The following CCDC93 variants were observed in gnomAD, a reference collection of about 807,000 sequenced individuals.
The protein encoded by CCDC93 is coiled-coil domain-containing protein 93.
Under a neutral mutation model 108.2 loss-of-function variants are expected in CCDC93, and 61 were observed. That is an observed-to-expected ratio of 0.56 (90% CI 0.46 to 0.70). CCDC93 has a LOEUF of 0.70. Among genes scored for constraint, CCDC93 ranks in the 30% least tolerant of loss-of-function variants. The pLI, the probability that CCDC93 is intolerant of heterozygous loss-of-function variation, is 0.00. For missense variants in CCDC93, 685 were observed against 764.2 expected (o/e 0.90, Z 1.22); for synonymous variants, 276 against 260.4 (o/e 1.06, Z -0.58).
Position 117,974,006 on chromosome 2 carries a change from TG to T in CCDC93, c.802-13del. On this transcript the variant is annotated splice_polypyrimidine_tract_variant and intron_variant, in intron 10 of 23. Transcript: ENST00000376300. ...GCGGTGAGACGGCTCTGCAAGTATA[TG>T]GAGGGAATGTTCTCAAGGCCAAGCC... The T allele has an allele frequency of 6.3e-7, 1 of 1,578,396 alleles. No homozygotes were observed. The highest frequency in any genetic ancestry group is 8.7e-7 in the Non-Finnish European group (1 of 1,152,480).
At chr2:117,928,240 C>T (rs1294675422) in intron 23 of CCDC93, among the ~76,000 whole-genome samples, 3 of 152,158 alleles carry the variant, frequency 2.0e-5, no homozygotes, top group South Asian at 4.1e-4. Flanking sequence ...GCAATGGCAA[C>T]AAAAGCCAAA....
rs756485447 is a variant in CCDC93, at chr2:117,944,062, T to A, written c.1375A>T (p.Met459Leu). 1.2e-6 allele frequency: 2 copies of A among 1,606,044 alleles called. No homozygotes were observed. The highest frequency in any genetic ancestry group is 4.5e-5 in the East Asian group (2 of 44,730). The change falls in exon 18 of 24, where the codon ATG (methionine) becomes TTG (leucine). Residue 459 changes from methionine (M) to leucine (L), a missense_variant. Physicochemically the swap from Met to Leu is conservative, Grantham distance 15. Coordinates refer to ENST00000376300, the MANE Select transcript of CCDC93 (RefSeq NM_019044.5). Reference protein sequence around the residue: ...HDEDLDRRYNMEKEKLYKIRL... With the variant: ...HDEDLDRRYNLEKEKLYKIRL... The stretch of plus-strand genomic sequence containing the variant: ...ATCTTGTAAAGTTTCTCTTTCTCCA[T>A]ATTATACCGTCTGTCTAGGTCTTCC...
intron 20 of CCDC93, among the ~76,000 whole-genome samples, chr2:117,937,288 C>G (rs569870824): frequency 1.3e-5 from 2 of 152,304 alleles, no homozygotes; most frequent in African/African-American, 4.8e-5. Context: ...GCAGCAAATC[C>G]TCTTATCTGC....
intron 7 of CCDC93, among the ~76,000 whole-genome samples, chr2:117,982,757 G>C (rs968153870): frequency 0.013 from 45 of 3,502 alleles, no homozygotes; most frequent in South Asian, 0.036. Context: ...TAGTGTAGTG[G>C]GGGGGGGGGT....
chr2:118,003,968 C>T (rs1401349537), intron 3 of CCDC93, among the ~76,000 whole-genome samples: 2 of 152,170 alleles, frequency 1.3e-5, no homozygotes, highest in Non-Finnish European at 1.5e-5. Flanking sequence ...GTCACCAGGC[C>T]GGTTTCCTAG....
At chr2:117,946,721 A>G (rs1249647962) in intron 16 of CCDC93, 90 bp downstream of exon 16, 2 of 843,888 alleles carry the variant, frequency 2.4e-6, no homozygotes, top group Non-Finnish European at 4.0e-6. Flanking sequence ...AGGATAAGTT[A>G]GCAACAGCGG....
chr2:117,981,035 C>T (rs1471954663), intron 7 of CCDC93, among the ~76,000 whole-genome samples: 1 of 152,150 alleles, frequency 6.6e-6, no homozygotes, highest in Admixed American at 6.5e-5. Context: ...CTACTTAATT[C>T]CATTTTATGG....
chr2:117,962,755 A>G (rs1679436981), intron 11 of CCDC93, among the ~76,000 whole-genome samples: 2 of 152,352 alleles, frequency 1.3e-5, no homozygotes, highest in South Asian at 4.1e-4. Flanking sequence ...AAAGTAACTG[A>G]AAGTGGGAAT....
At chr2:117,980,958 C>T (rs1353302525) in intron 7 of CCDC93, among the ~76,000 whole-genome samples, 1 of 152,086 alleles carries the variant, frequency 6.6e-6, no homozygotes, top group Admixed American at 6.6e-5. Context: ...AAAATGTGGC[C>T]TTTGTGTCTG....
chr2:117,976,592 CCTTTA>C (rs1382931745), intron 8 of CCDC93, among the ~76,000 whole-genome samples: 1 of 152,144 alleles, frequency 6.6e-6, no homozygotes, highest in Non-Finnish European at 1.5e-5. Context: ...CATTCTAAGT[CCTTTA>C]CATTTCAATC....
chr2:117,927,861 A>G (rs1365934766), intron 23 of CCDC93, among the ~76,000 whole-genome samples: 1 of 152,192 alleles, frequency 6.6e-6, no homozygotes, highest in Non-Finnish European at 1.5e-5. Flanking sequence ...TTCAAACTAT[A>G]CTACAAGGCT....
chr2:117,962,793 T>C (rs1324054379), intron 11 of CCDC93, among the ~76,000 whole-genome samples: 1 of 152,222 alleles, frequency 6.6e-6, no homozygotes, highest in African/African-American at 2.4e-5. Flanking sequence ...CCCACTGAAG[T>C]TGGCTTTTTT....
In CCDC93 at chr2:117,969,474, AT is replaced by A. The variant is rs1260148277; in HGVS notation, c.888+4433del. ...AACAGTGAGACAATAAATGTGTGTT[AT>A]TTTAAGTGACTACATTTGTGGCAGT... On this transcript the variant is annotated intron_variant, in intron 11 of 23. Coordinates refer to ENST00000376300, the MANE Select transcript of CCDC93 (RefSeq NM_019044.5). Among the ~76,000 whole-genome samples, 19 of 152,346 alleles carry A rather than the reference AT, an allele frequency of 1.2e-4. No homozygotes were observed. In the East Asian group the frequency reaches 3.7e-3, roughly 29 times the overall value.
intron 6 of CCDC93, among the ~76,000 whole-genome samples, chr2:117,994,345 GC>G (rs1680577791): frequency 1.3e-5 from 2 of 151,990 alleles, no homozygotes; most frequent in Non-Finnish European, 2.9e-5. Context: ...GTTTAATACT[GC>G]CACCAAATCT....
chr2:117,926,003 T>C (rs926028078), intron 23 of CCDC93, among the ~76,000 whole-genome samples: 11 of 152,190 alleles, frequency 7.2e-5, no homozygotes, highest in African/African-American at 2.7e-4. Flanking sequence ...CTGAACAACC[T>C]GCTCCTGAAT....
At chr2:117,964,725 A>T (rs142785532) in intron 11 of CCDC93, among the ~76,000 whole-genome samples, 1 of 152,246 alleles carries the variant, frequency 6.6e-6, no homozygotes, top group African/African-American at 2.4e-5. Context: ...CTGCCTCCCA[A>T]GGAGCTGGGA....
At chr2:117,942,993 T>C (rs1678752476) in intron 18 of CCDC93, among the ~76,000 whole-genome samples, 3 of 152,224 alleles carry the variant, frequency 2.0e-5, no homozygotes, top group South Asian at 4.1e-4. Flanking sequence ...TCCAGCATCA[T>C]CCTTGACTCC....
At position 118,008,957 on chromosome 2, in the gene CCDC93, T is replaced by A. The variant is rs540114926; in HGVS notation, c.43-299A>T. On this transcript the variant is annotated intron_variant, in intron 1 of 23. Coordinates refer to ENST00000376300, the MANE Select transcript of CCDC93 (RefSeq NM_019044.5). ...GAAGGAATCCAGGGAAAAGGAAGGT[T>A]AGAGCACAATACTTCCTTTTTCTCT... is the stretch of plus-strand genomic sequence containing the variant. The A allele has an allele frequency of 1.6e-5, 4 of 255,806 alleles. No homozygotes were observed. The East Asian group carries it at 3.3e-4, about 21-fold the overall frequency. 15.8% of individuals were successfully genotyped at this position (255,806 alleles called of 1,614,324 possible).
chr2:117,941,351 T>A, intron 18 of CCDC93, 54 bp from the exon 19 acceptor site: 2 of 1,442,482 alleles, frequency 1.4e-6, no homozygotes, highest in Non-Finnish European at 2.0e-6. Context: ...GCCTTACATG[T>A]TCTCTAGGGA....
Sources: gnomAD v4.1 joint callset for allele counts (sites outside exome capture counted in the v4.1 genomes callset) on GRCh38, gnomAD v4.1.1 for gene constraint, MANE v1.5 for transcripts, NCBI Gene and HGNC (gene_info 2026-07-23, HGNC 2026-07-21) for gene names.